Variants in CYP2C18 observed in about 807,000 individuals in gnomAD.
CYP2C18 encodes the protein cytochrome P450 family 2 subfamily C member 18, also known as cytochrome P450 2C18.
CYP2C18 carries 38 observed loss-of-function variants against 41.3 expected under a neutral mutation model. The observed-to-expected ratio is 0.92, with a 90% confidence interval of 0.71 to 1.21. The LOEUF (loss-of-function observed/expected upper bound fraction) is 1.21. CYP2C18 is among the 50% of genes most tolerant of loss of function. The pLI is 0.00. For missense variants in CYP2C18, 635 were observed against 591.4 expected (o/e 1.07, Z -0.77); for synonymous variants, 236 against 210.0 (o/e 1.12, Z -1.07).
intron 4 of CYP2C18, among the ~76,000 whole-genome samples, chr10:94,704,162 G>T (rs995815473): frequency 1.3e-5 from 2 of 152,156 alleles, no homozygotes; most frequent in Non-Finnish European, 2.9e-5. Flanking sequence ...ACAGACTGGA[G>T]CTGTTCTTAT....
intron 5 of CYP2C18, among the ~76,000 whole-genome samples, chr10:94,708,494 A>C (rs1363602857): frequency 2.6e-5 from 4 of 152,170 alleles, no homozygotes; most frequent in African/African-American, 9.6e-5. Context: ...ACCAGTGGCT[A>C]TGTCCTCATT....
chr10:94,686,283 T>A (rs1376400212), intron 1 of CYP2C18, among the ~76,000 whole-genome samples: 2 of 152,202 alleles, frequency 1.3e-5, no homozygotes, highest in East Asian at 3.8e-4. Context: ...TCTAGCACTT[T>A]TGTACTGAAG....
intron 3 of CYP2C18, among the ~76,000 whole-genome samples, chr10:94,694,216 A>G (rs1358352070): frequency 6.6e-6 from 1 of 152,186 alleles, no homozygotes; most frequent in Non-Finnish European, 1.5e-5. Context: ...TATTGAAATA[A>G]GGAAATAAAA....
chr10:94,724,287 G>T (rs1847695262), intron 6 of CYP2C18, 59 bp from the exon 7 acceptor site: 2 of 1,552,876 alleles, frequency 1.3e-6, no homozygotes, highest in Non-Finnish European at 1.8e-6. Flanking sequence ...AACCTGAATT[G>T]CTACAACAAA....
At chr10:94,697,839 T>A (rs1358630557) in intron 4 of CYP2C18, among the ~76,000 whole-genome samples, 3 of 152,130 alleles carry the variant, frequency 2.0e-5, no homozygotes, top group African/African-American at 4.8e-5. Flanking sequence ...TCCTAGTCTC[T>A]GATAAAACAG....
chr10:94,689,206 A>G lies in CYP2C18; in HGVS notation c.481+932A>G, dbSNP rs1162644829. Among the ~76,000 whole-genome samples the G allele has an allele frequency of 1.1e-4, 16 of 152,196 alleles. No individual in the cohort carries two copies. In the East Asian group the frequency reaches 2.7e-3, roughly 26 times the overall value. On this transcript the variant is annotated intron_variant, in intron 3 of 8. Transcript: ENST00000285979. ...ATAGCATAGTCTTTCAATTTAAACAAATGCCAAGTTATAAAATGTTTATTT... is the reference window on the plus strand; with the variant it reads ...ATAGCATAGTCTTTCAATTTAAACAGATGCCAAGTTATAAAATGTTTATTT...
chr10:94,718,034 A>G (rs1012964006), intron 5 of CYP2C18, among the ~76,000 whole-genome samples: 1 of 152,070 alleles, frequency 6.6e-6, no homozygotes, highest in South Asian at 2.1e-4. Flanking sequence ...GAAACCATAA[A>G]TTTCTTTAGA....
intron 4 of CYP2C18, among the ~76,000 whole-genome samples, 173 bp downstream of exon 4, chr10:94,695,250 G>T (rs150735398): frequency 6.6e-6 from 1 of 152,046 alleles, no homozygotes; most frequent in African/African-American, 2.4e-5. Flanking sequence ...CCATTAACCC[G>T]TCATCTATAT....
rs186528325 is a variant in CYP2C18 at position 94,714,812 on chromosome 10, A to G, written c.820-5584A>G. On this transcript the variant is annotated intron_variant, in intron 5 of 8. Transcript: ENST00000285979. Reference sequence around the variant, plus strand: ...AAATTGTTTCTTCCTATCCGTAAGCATGGAATGTTCTTCCATTTGTTTGTG... The same window carrying G: ...AAATTGTTTCTTCCTATCCGTAAGCGTGGAATGTTCTTCCATTTGTTTGTG... 3.3e-5 allele frequency among the ~76,000 whole-genome samples: 5 copies of G among 152,340 alleles called. No individual in the cohort carries two copies. In the East Asian group the frequency reaches 7.7e-4, roughly 23 times the overall value.
Position 94,693,354 on chromosome 10 carries a change from T to G in CYP2C18, c.482-1563T>G, listed in dbSNP as rs192815641. On this transcript the variant is annotated intron_variant, in intron 3 of 8. Transcript: ENST00000285979. Reference sequence around the variant, plus strand: ...CTTTTTTGCTTTGACTTTTGCCATGTGAGTGAAAGCTCCTGTTTTGCCTTC... The same window carrying G: ...CTTTTTTGCTTTGACTTTTGCCATGGGAGTGAAAGCTCCTGTTTTGCCTTC... Among the ~76,000 whole-genome samples the G allele has an allele frequency of 1.5e-3, 231 of 152,272 alleles. 3 individuals are homozygous for G. The highest frequency in any genetic ancestry group is 1.5e-3 in the Non-Finnish European group (102 of 68,014).
At chr10:94,685,482 A>G (rs751863974) in intron 1 of CYP2C18, among the ~76,000 whole-genome samples, 40 of 145,310 alleles carry the variant, frequency 2.8e-4, no homozygotes, top group Non-Finnish European at 4.4e-4. Flanking sequence ...GCCTAGACCA[A>G]TGTCATGGAG....
At chr10:94,685,733 C>G (rs1575933) in intron 1 of CYP2C18, among the ~76,000 whole-genome samples, 1 of 152,204 alleles carries the variant, frequency 6.6e-6, no homozygotes, top group Non-Finnish European at 1.5e-5. Flanking sequence ...GGGTTCTCTA[C>G]GCTTTTCCTT....
rs1235722189 is a variant in CYP2C18 at position 94,720,389 on chromosome 10, T to G, written c.820-7T>G. On this transcript the variant is annotated splice_polypyrimidine_tract_variant and splice_region_variant and intron_variant, in intron 5 of 8. Coordinates refer to ENST00000285979, the MANE Select transcript of CYP2C18 (RefSeq NM_000772.3). ...CCAAATAATTAAATTATGAAATAAT[T>G]TTTTAGGAAAAGCACAATCAACAGT... 3.8e-6 allele frequency: 6 copies of G among 1,588,116 alleles called. No individual in the cohort carries two copies. Among genetic ancestry groups the G allele is most frequent in the Non-Finnish European group, 5.1e-6 (6 of 1,170,628 alleles).
At chr10:94,708,136 C>A (rs1297070927) in intron 5 of CYP2C18, among the ~76,000 whole-genome samples, 3 of 152,096 alleles carry the variant, frequency 2.0e-5, no homozygotes, top group Non-Finnish European at 4.4e-5. Context: ...GGGACAGAGT[C>A]AAAGATGCTG....
At chr10:94,722,347 T>TATTTA (rs1477441784) in intron 6 of CYP2C18, among the ~76,000 whole-genome samples, 1 of 152,172 alleles carries the variant, frequency 6.6e-6, no homozygotes, top group Non-Finnish European at 1.5e-5. Flanking sequence ...TATGAGCAGA[T>TATTTA]TCTGGCTCTG....
intron 7 of CYP2C18, 50 bp downstream of exon 7, chr10:94,724,583 A>G (rs1847706452): frequency 1.3e-6 from 2 of 1,507,248 alleles, no homozygotes; most frequent in Non-Finnish European, 1.8e-6. Flanking sequence ...AAGTCCCCAA[A>G]TTCATAGTAT....
At chr10:94,713,080 A>G (rs560703999) in intron 5 of CYP2C18, among the ~76,000 whole-genome samples, 1 of 152,182 alleles carries the variant, frequency 6.6e-6, no homozygotes, top group South Asian at 2.1e-4. Flanking sequence ...ATATATGTGC[A>G]TGCATGTCTG....
chr10:94,701,967 G>T (rs1251452109), intron 4 of CYP2C18, among the ~76,000 whole-genome samples: 1 of 151,952 alleles, frequency 6.6e-6, no homozygotes, highest in Non-Finnish European at 1.5e-5. Context: ...TCTGTATTGA[G>T]AATTGTTTCA....
At chr10:94,713,272 G>A (rs1847472438) in intron 5 of CYP2C18, among the ~76,000 whole-genome samples, 2 of 151,988 alleles carry the variant, frequency 1.3e-5, no homozygotes, top group South Asian at 2.1e-4. Context: ...ATGTAGGTGT[G>A]CTGCACCCAT....
Sources: gnomAD v4.1 joint callset for allele counts (sites outside exome capture counted in the v4.1 genomes callset) on GRCh38, gnomAD v4.1.1 for gene constraint, MANE v1.5 for transcripts, NCBI Gene and HGNC (gene_info 2026-07-23, HGNC 2026-07-21) for gene names.